CORO2B: variants seen among roughly 807,000 people sequenced by gnomAD.
CORO2B encodes coronin-2B.
Under a neutral mutation model 58.8 loss-of-function variants are expected in CORO2B, and 26 were observed. The observed-to-expected ratio is 0.44, with a 90% confidence interval of 0.32 to 0.61. The LOEUF is 0.61. Ranked by LOEUF, CORO2B falls within the 20% of genes least tolerant of loss-of-function variation. The pLI is 0.04. For missense variants in CORO2B, 460 were observed against 645.1 expected (o/e 0.71, Z 3.11); for synonymous variants, 242 against 253.8 (o/e 0.95, Z 0.44).
Position 68,610,248 on chromosome 15 carries a change from T to C in CORO2B, c.15+30971T>C, listed in dbSNP as rs142520769. Among the ~76,000 whole-genome samples, 186 of 152,198 alleles carry C rather than the reference T, an allele frequency of 1.2e-3. 1 individual carries two copies. The highest frequency in any genetic ancestry group is 8.9e-3 in the East Asian group (46 of 5,176). ...GCCCAGAAGAGGAGCTAGGACTTCATAGGACGAGACAGGTTCTCTAGCGCC... is the reference window on the plus strand; with the variant it reads ...GCCCAGAAGAGGAGCTAGGACTTCACAGGACGAGACAGGTTCTCTAGCGCC... On this transcript the variant is annotated intron_variant, in intron 1 of 11. Transcript: ENST00000261861.
chr15:68,585,487 T>G (rs1899527858), intron 1 of CORO2B, among the ~76,000 whole-genome samples: 1 of 152,166 alleles, frequency 6.6e-6, no homozygotes, highest in Non-Finnish European at 1.5e-5. Context: ...AGAGTGAGGC[T>G]TAGTGAGAGT....
intron 3 of CORO2B, among the ~76,000 whole-genome samples, chr15:68,704,014 CA>C (rs112659017): frequency 0.032 from 4,731 of 148,210 alleles, 231 homozygotes; most frequent in African/African-American, 0.11. Context: ...GGCAATATGG[CA>C]AAAACCCTTT....
chr15:68,555,144 T>A, the CORO2B span, among the ~76,000 whole-genome samples: 3 of 152,094 alleles, frequency 2.0e-5, no homozygotes, highest in Non-Finnish European at 4.4e-5. Flanking sequence ...AGACTCTTGG[T>A]TTCCTCCCCT....
intron 5 of CORO2B, 102 bp downstream of exon 5, chr15:68,711,808 C>T: frequency 7.4e-7 from 1 of 1,346,596 alleles, no homozygotes; most frequent in Non-Finnish European, 1.0e-6. Context: ...CCCCCTTCTC[C>T]AGTGCATCTC....
chr15:68,650,838 C>T (rs1308636724), intron 2 of CORO2B, among the ~76,000 whole-genome samples: 1 of 152,042 alleles, frequency 6.6e-6, no homozygotes, highest in Non-Finnish European at 1.5e-5. Context: ...TTTCAGAGGC[C>T]CTACAGGCCA....
intron 1 of CORO2B, among the ~76,000 whole-genome samples, chr15:68,599,232 C>G (rs910056836): frequency 6.6e-6 from 1 of 152,194 alleles, no homozygotes; most frequent in South Asian, 2.1e-4. Flanking sequence ...CTGATCTCTC[C>G]TTGCTCCAAA....
At chr15:68,687,832 A>G (rs1450674596) in intron 2 of CORO2B, among the ~76,000 whole-genome samples, 11 of 152,216 alleles carry the variant, frequency 7.2e-5, no homozygotes. Flanking sequence ...TCACTTTTAT[A>G]ACAAACCCAC....
At chr15:68,708,867 G>C (rs1892846263) in intron 3 of CORO2B, among the ~76,000 whole-genome samples, 1 of 152,056 alleles carries the variant, frequency 6.6e-6, no homozygotes, top group South Asian at 2.1e-4. Context: ...TTTTTGTAGA[G>C]GCGGAGTCTC....
chr15:68,709,545 C>T lies in CORO2B; in HGVS notation c.334-1187C>T, dbSNP rs189011405. 8.6e-5 allele frequency among the ~76,000 whole-genome samples: 13 copies of T among 150,926 alleles called. No individual in the cohort carries two copies. The East Asian group carries it at 1.2e-3, about 14-fold the overall frequency. ...GGATCTCAGCACACTGTAACCTCCG[C>T]GCCTGGCCTCAAGCGATCCTCCCAT... On this transcript the variant is annotated intron_variant, in intron 3 of 11. Coordinates refer to ENST00000261861, the MANE Select transcript of CORO2B (RefSeq NM_006091.5).
chr15:68,689,249 A>G (rs1006001679), intron 2 of CORO2B, among the ~76,000 whole-genome samples: 4 of 151,984 alleles, frequency 2.6e-5, no homozygotes, highest in Non-Finnish European at 5.9e-5. Context: ...CCAGGCAGCA[A>G]GGTCTCTGCC....
chr15:68,678,932 A>G (rs1902677880), intron 2 of CORO2B, among the ~76,000 whole-genome samples: 1 of 152,222 alleles, frequency 6.6e-6, no homozygotes, highest in Non-Finnish European at 1.5e-5. Context: ...CGCTGTACTC[A>G]GGGTGTGTTC....
chr15:68,665,147 C>A (rs1902153824), intron 2 of CORO2B, among the ~76,000 whole-genome samples: 1 of 152,114 alleles, frequency 6.6e-6, no homozygotes, highest in Non-Finnish European at 1.5e-5. Flanking sequence ...GCATTTTGAA[C>A]TTATCTTGGT....
In CORO2B at chr15:68,711,527, C is replaced by T. The variant is rs774964730; in HGVS notation, c.484-15C>T. 1.1e-5 allele frequency: 17 copies of T among 1,606,264 alleles called. No homozygotes were observed. The highest frequency in any genetic ancestry group is 1.4e-5 in the Non-Finnish European group (17 of 1,175,082). On this transcript the variant is annotated splice_polypyrimidine_tract_variant and intron_variant, in intron 4 of 11. Coordinates refer to ENST00000261861, the MANE Select transcript of CORO2B (RefSeq NM_006091.5). ...GCAGCCACTGACCCTGCCTCCCATG[C>T]ATCTGCCCTCGCAGGTCCTCATCTG... is the stretch of plus-strand genomic sequence containing the variant.
intron 11 of CORO2B, among the ~76,000 whole-genome samples, chr15:68,724,409 C>T (rs1893242412): frequency 6.6e-6 from 1 of 152,072 alleles, no homozygotes; most frequent in African/African-American, 2.4e-5. Flanking sequence ...AAAGCAAAGT[C>T]CTAGTTTTTA....
intron 2 of CORO2B, among the ~76,000 whole-genome samples, chr15:68,668,609 G>A (rs985663357): frequency 2.6e-5 from 4 of 152,188 alleles, no homozygotes; most frequent in Non-Finnish European, 5.9e-5. Context: ...CCAGGGCGGG[G>A]AGCCCCAGGG....
upstream of CORO2B, among the ~76,000 whole-genome samples, chr15:68,575,071 C>A (rs1899254488): frequency 1.3e-5 from 2 of 152,220 alleles, no homozygotes; most frequent in South Asian, 2.1e-4. Context: ...GAGCTGACAG[C>A]ATCCCACCTC....
chr15:68,652,692 C>CT, intron 2 of CORO2B, among the ~76,000 whole-genome samples: 1 of 152,282 alleles, frequency 6.6e-6, no homozygotes, highest in Admixed American at 6.5e-5. Flanking sequence ...TCTAACATAC[C>CT]TGCTCTGTTT....
chr15:68,546,502 T>A, the CORO2B span, among the ~76,000 whole-genome samples: 2 of 152,070 alleles, frequency 1.3e-5, no homozygotes, highest in African/African-American at 2.4e-5. Flanking sequence ...TGTGTGTGGG[T>A]TTTCCCCAGC....
chr15:68,663,989 A>T (rs1902101774), intron 2 of CORO2B, among the ~76,000 whole-genome samples: 2 of 152,242 alleles, frequency 1.3e-5, no homozygotes, highest in South Asian at 4.1e-4. Flanking sequence ...AGAAAGGCCA[A>T]AATTTAGAAA....
Sources: allele counts gnomAD v4.1 joint callset (sites outside exome capture counted in the v4.1 genomes callset), GRCh38; gene constraint gnomAD v4.1.1; transcripts MANE v1.5; gene names NCBI Gene and HGNC (gene_info 2026-07-23, HGNC 2026-07-21).